The following WRN variants were observed in gnomAD, a reference collection of about 807,000 sequenced individuals.
The protein encoded by WRN is WRN RecQ like helicase, also known as bifunctional 3'-5' exonuclease/ATP-dependent helicase WRN.
In WRN, 149 loss-of-function variants were observed where a neutral mutation model predicts 180.7. The ratio of observed to expected loss-of-function variants is 0.82; its 90% CI spans 0.72 to 0.94. WRN has a LOEUF of 0.94. WRN is among the 40% of genes least tolerant of loss of function. WRN has a pLI of 0.00. For synonymous variants in WRN, 548 were observed against 568.9 expected (o/e 0.96, Z 0.52); for missense variants, 1,661 against 1,700.1 (o/e 0.98, Z 0.40).
At chr8:31,063,082 C>T (rs2130025959) in intron 3 of WRN, among the ~76,000 whole-genome samples, 1 of 152,270 alleles carries the variant, frequency 6.6e-6, no homozygotes, top group East Asian at 1.9e-4. Context: ...GATCCTCCTG[C>T]CTTGGTCTCT....
intron 21 of WRN, among the ~76,000 whole-genome samples, chr8:31,120,992 A>G (rs994993837): frequency 9.2e-5 from 14 of 151,996 alleles, no homozygotes; most frequent in Non-Finnish European, 4.4e-5. Flanking sequence ...GACTGCCGTA[A>G]GTCAATATTA....
At chr8:31,059,121 TTG>T (rs748942438) in intron 2 of WRN, 30 bp from the exon 3 acceptor site, 5 of 1,488,322 alleles carry the variant, frequency 3.4e-6, no homozygotes, top group Non-Finnish European at 4.7e-6. Context: ...GATGTGAACT[TTG>T]TGCCTGTTTT....
chr8:31,111,170 A>C (rs1313170702), intron 18 of WRN, among the ~76,000 whole-genome samples: 4 of 152,126 alleles, frequency 2.6e-5, no homozygotes, highest in South Asian at 2.1e-4. Flanking sequence ...CCAAAAAAAA[A>C]CGACCATTGC....
intron 31 of WRN, among the ~76,000 whole-genome samples, chr8:31,150,933 A>G (rs1403015667): frequency 1.3e-5 from 2 of 152,106 alleles, no homozygotes; most frequent in Non-Finnish European, 2.9e-5. Context: ...TGTTTCCTTC[A>G]TATCCTTTTA....
intron 12 of WRN, among the ~76,000 whole-genome samples, chr8:31,088,343 T>C (rs1389624602): frequency 6.6e-6 from 1 of 152,126 alleles, no homozygotes; most frequent in Non-Finnish European, 1.5e-5. Context: ...CATAACTTCA[T>C]TGTGCTGTGC....
At chr8:31,100,766 T>G (rs1814190037) in intron 17 of WRN, 83 bp from the exon 18 acceptor site, 1 of 1,138,078 alleles carries the variant, frequency 8.8e-7, no homozygotes. Flanking sequence ...TTTGGTTATT[T>G]ATTCTCCTTT....
chr8:31,142,036 A>C (rs1247190331), intron 26 of WRN, among the ~76,000 whole-genome samples: 1 of 151,800 alleles, frequency 6.6e-6, no homozygotes, highest in African/African-American at 2.4e-5. Context: ...TGCAGCCTCG[A>C]TCTCGTGGGC....
intron 10 of WRN, 130 bp downstream of exon 10, chr8:31,083,909 T>G (rs1813420292): frequency 1.0e-6 from 1 of 1,004,894 alleles, no homozygotes; most frequent in African/African-American, 1.6e-5. Flanking sequence ...ACATTAGATT[T>G]CACATTTTCC....
intron 34 of WRN, 25 bp downstream of exon 34, chr8:31,167,255 A>G (rs1226656037): frequency 6.9e-6 from 11 of 1,588,770 alleles, no homozygotes; most frequent in East Asian, 4.6e-5. Flanking sequence ...TAGAATTTTC[A>G]TAAAGTGTCA....
intron 4 of WRN, 60 bp from the exon 5 acceptor site, chr8:31,064,855 G>T: frequency 6.3e-7 from 1 of 1,579,218 alleles, no homozygotes; most frequent in South Asian, 1.1e-5. Flanking sequence ...TGTATAAGAA[G>T]TAGGACATAA....
chr8:31,126,112 C>G (rs1251721315), intron 23 of WRN, among the ~76,000 whole-genome samples: 1 of 151,930 alleles, frequency 6.6e-6, no homozygotes, highest in Non-Finnish European at 1.5e-5. Context: ...ACCAAAAAAT[C>G]AGTAAGAAGA....
intron 7 of WRN, among the ~76,000 whole-genome samples, chr8:31,070,271 G>C (rs1585415089): frequency 6.6e-6 from 1 of 151,366 alleles, no homozygotes; most frequent in Admixed American, 6.6e-5. Context: ...CAGCATCACT[G>C]TTCTCTTATT....
intron 33 of WRN, among the ~76,000 whole-genome samples, chr8:31,165,887 C>CA (rs1563392602): frequency 6.6e-6 from 1 of 152,022 alleles, no homozygotes; most frequent in East Asian, 1.9e-4. Context: ...GAGACAAATA[C>CA]AATTTTAGTT....
At chr8:31,061,413 CT>C (rs1383163263) in intron 3 of WRN, among the ~76,000 whole-genome samples, 14 of 151,610 alleles carry the variant, frequency 9.2e-5, no homozygotes, top group African/African-American at 3.4e-4. Flanking sequence ...TTTTTAATAG[CT>C]GTTTTAATGT....
At chr8:31,082,141 A>G (rs770666195) in intron 9 of WRN, among the ~76,000 whole-genome samples, 1 of 152,150 alleles carries the variant, frequency 6.6e-6, no homozygotes, top group Non-Finnish European at 1.5e-5. Context: ...TTTTACTGTC[A>G]TCTCAGAGTC....
chr8:31,154,260 C>T (rs1170901320), intron 31 of WRN, among the ~76,000 whole-genome samples: 2 of 151,964 alleles, frequency 1.3e-5, no homozygotes, highest in Non-Finnish European at 2.9e-5. Context: ...AATAGTGATT[C>T]TGTTCATTCA....
At chr8:31,122,563 CAG>C (rs1469414126) in intron 21 of WRN, among the ~76,000 whole-genome samples, 1 of 151,936 alleles carries the variant, frequency 6.6e-6, no homozygotes. Context: ...CTTTTTTTAA[CAG>C]AGAATAATTT....
chr8:31,142,606 T>G lies in WRN; in HGVS notation c.3234-20T>G, dbSNP rs1347485123. The G allele has an allele frequency of 6.5e-7, 1 of 1,545,860 alleles. No homozygotes were observed. The highest frequency in any genetic ancestry group is 1.2e-5 in the South Asian group (1 of 83,332). ...CTTGCATCTTAACATTTGAAATAATTTAATTTTATTATTTTTTAGTTCGAA... is the reference window on the plus strand; with the variant it reads ...CTTGCATCTTAACATTTGAAATAATGTAATTTTATTATTTTTTAGTTCGAA... On this transcript the variant is annotated intron_variant, in intron 26 of 34. Transcript: ENST00000298139.
At chr8:31,098,803 G>A (rs953921312) in intron 17 of WRN, among the ~76,000 whole-genome samples, 1 of 152,174 alleles carries the variant, frequency 6.6e-6, no homozygotes, top group African/African-American at 2.4e-5. Context: ...GTTGGCAAAA[G>A]CTTGTCTAAA....
Sources: gnomAD v4.1 joint callset for allele counts (sites outside exome capture counted in the v4.1 genomes callset) on GRCh38, gnomAD v4.1.1 for gene constraint, MANE v1.5 for transcripts, NCBI Gene and HGNC (gene_info 2026-07-23, HGNC 2026-07-21) for gene names.